GLCE: variants seen among roughly 807,000 people sequenced by gnomAD.
GLCE encodes D-glucuronyl C5-epimerase.
Under a neutral mutation model 47.9 loss-of-function variants are expected in GLCE, and 19 were observed. The ratio of observed to expected loss-of-function variants is 0.40; its 90% CI spans 0.28 to 0.58. GLCE has a LOEUF of 0.58. Ranked by LOEUF, GLCE falls within the 20% of genes least tolerant of loss-of-function variation. The probability of loss-of-function intolerance (pLI) is 0.48; values close to 1 mark genes in which losing one functional copy is unlikely to be tolerated. For synonymous variants in GLCE, 245 were observed against 263.4 expected, an observed-to-expected ratio of 0.93 and a Z score of 0.68; for missense variants, 556 against 743.3, an observed-to-expected ratio of 0.75 and a Z score of 2.93.
In GLCE at chr15:69,268,497, T is replaced by C; in HGVS notation, c.1107T>C (p.Ala369=). 1 of 1,614,184 alleles carries C rather than the reference T, an allele frequency of 6.2e-7. No homozygotes were observed. The highest frequency in any genetic ancestry group is 8.5e-7 in the Non-Finnish European group (1 of 1,180,044). The change falls in exon 5 of 5, where the codon GCT becomes GCC. Residue 369 remains alanine, a synonymous_variant. Transcript: ENST00000261858. The stretch of plus-strand genomic sequence containing the variant: ...GAGTGGGTCTTTCAAACACAAAAGC[T>C]GTCAAGCCAACCAAAATAATGCCCA... ...RKGVGLSNTK[A]VKPTKIMPKK... is the part of the protein sequence containing the mutation.
chr15:69,162,267 A>G (rs2051436018), intron 1 of GLCE, among the ~76,000 whole-genome samples: 2 of 152,130 alleles, frequency 1.3e-5, no homozygotes, highest in African/African-American at 4.8e-5. Flanking sequence ...TAACTAGCGT[A>G]GGCGTAGGTG....
At chr15:69,258,525 C>T (rs1187052353) in intron 3 of GLCE, among the ~76,000 whole-genome samples, 1 of 152,116 alleles carries the variant, frequency 6.6e-6, no homozygotes, top group Admixed American at 6.5e-5. Flanking sequence ...TGAGACCCTT[C>T]TCTTTAGTTG....
intron 2 of GLCE, among the ~76,000 whole-genome samples, chr15:69,245,539 A>C (rs979059445): frequency 6.6e-6 from 1 of 152,156 alleles, no homozygotes; most frequent in Non-Finnish European, 1.5e-5. Context: ...TAAGACAACG[A>C]TGAAGTTTGC....
At chr15:69,204,277 C>CTTTTT (rs57376738) in intron 1 of GLCE, among the ~76,000 whole-genome samples, 29 of 88,334 alleles carry the variant, frequency 3.3e-4, no homozygotes, top group East Asian at 6.5e-4. Context: ...GATTGTTTTA[C>CTTTTT]TTTTTTTTTT....
intron 2 of GLCE, among the ~76,000 whole-genome samples, chr15:69,237,101 C>T (rs529374950): frequency 1.4e-3 from 219 of 152,212 alleles, no homozygotes; most frequent in African/African-American, 4.3e-3. Flanking sequence ...TTCTTTTTAT[C>T]ATAAACATTA....
intron 4 of GLCE, among the ~76,000 whole-genome samples, chr15:69,262,762 C>G (rs929466409): frequency 6.6e-6 from 1 of 152,160 alleles, no homozygotes; most frequent in Non-Finnish European, 1.5e-5. Context: ...AACTCTGTCT[C>G]TAACAGCCAC....
At chr15:69,229,871 A>G (rs2052498313) in intron 2 of GLCE, among the ~76,000 whole-genome samples, 1 of 152,152 alleles carries the variant, frequency 6.6e-6, no homozygotes, top group Non-Finnish European at 1.5e-5. Flanking sequence ...TCATTTACAT[A>G]TTGTCTACAA....
intron 2 of GLCE, among the ~76,000 whole-genome samples, chr15:69,222,306 G>A (rs2052388411): frequency 1.3e-5 from 2 of 152,298 alleles, no homozygotes; most frequent in South Asian, 2.1e-4. Flanking sequence ...AGGCATTCTG[G>A]CAGGGGCACC....
intron 2 of GLCE, among the ~76,000 whole-genome samples, chr15:69,245,461 T>A (rs528819053): frequency 6.6e-6 from 1 of 152,220 alleles, no homozygotes; most frequent in Non-Finnish European, 1.5e-5. Flanking sequence ...TCCCTTGATG[T>A]TGATGGCTGC....
intron 2 of GLCE, among the ~76,000 whole-genome samples, chr15:69,231,712 T>C (rs2052524370): frequency 6.6e-6 from 1 of 152,216 alleles, no homozygotes; most frequent in African/African-American, 2.4e-5. Context: ...AAAGGACTTT[T>C]TGATATTTTT....
intron 1 of GLCE, among the ~76,000 whole-genome samples, chr15:69,196,023 GA>G (rs1385429586): frequency 1.3e-5 from 2 of 152,136 alleles, no homozygotes; most frequent in African/African-American, 4.8e-5. Context: ...AGGGAAAGGG[GA>G]TGGGGGAGTG....
rs2053005467 is a variant in GLCE at position 69,261,016 on chromosome 15, T to C, written c.587-71T>C. The stretch of plus-strand genomic sequence containing the variant: ...GTAAGATCCCCCAGAAGTAAATCAG[T>C]GAGGAATGGTATTAGGAATAGGCTT... On this transcript the variant is annotated intron_variant, in intron 3 of 4. Transcript: ENST00000261858. The C allele has an allele frequency of 4.3e-6, 6 of 1,391,854 alleles. No homozygotes were observed. In the Admixed American group the frequency reaches 9.5e-5, roughly 22 times the overall value. 86.2% of individuals were successfully genotyped at this position (1,391,854 alleles called of 1,614,324 possible). A position where few individuals can be genotyped will look rare whatever the true frequency, so the allele number is the denominator to read the frequency against.
chr15:69,253,124 C>T (rs972593929), intron 2 of GLCE, among the ~76,000 whole-genome samples: 8 of 152,096 alleles, frequency 5.3e-5, no homozygotes, highest in African/African-American at 1.9e-4. Flanking sequence ...CCAACTATAC[C>T]CTCTTCTCCC....
At chr15:69,190,867 CT>C (rs2051901498) in intron 1 of GLCE, among the ~76,000 whole-genome samples, 1 of 151,758 alleles carries the variant, frequency 6.6e-6, no homozygotes, top group Non-Finnish European at 1.5e-5. Flanking sequence ...TCTTGGCATT[CT>C]TTTGGATTGA....
intron 2 of GLCE, among the ~76,000 whole-genome samples, chr15:69,236,083 A>G (rs1315945484): frequency 6.6e-6 from 1 of 152,144 alleles, no homozygotes; most frequent in Non-Finnish European, 1.5e-5. Flanking sequence ...TGCTTTTGAG[A>G]TTCATCTATG....
At chr15:69,208,220 C>A (rs1305554948) in intron 1 of GLCE, among the ~76,000 whole-genome samples, 1 of 151,994 alleles carries the variant, frequency 6.6e-6, no homozygotes, top group Non-Finnish European at 1.5e-5. Context: ...TGCTTAACTT[C>A]AGGTAACAAA....
chr15:69,265,263 A>C (rs1187051542), intron 4 of GLCE, among the ~76,000 whole-genome samples: 2 of 152,164 alleles, frequency 1.3e-5, no homozygotes, highest in East Asian at 3.9e-4. Context: ...AATAAAAAAA[A>C]AACAAAACTT....
intron 1 of GLCE, among the ~76,000 whole-genome samples, chr15:69,167,558 G>T (rs1229742280): frequency 6.6e-6 from 1 of 152,198 alleles, no homozygotes; most frequent in African/African-American, 2.4e-5. Flanking sequence ...CCAACCATGG[G>T]CCAACTAATA....
chr15:69,247,097 A>G (rs2052761722), intron 2 of GLCE, among the ~76,000 whole-genome samples: 1 of 152,206 alleles, frequency 6.6e-6, no homozygotes, highest in Non-Finnish European at 1.5e-5. Context: ...TTAGCCCCTA[A>G]CGAGAGTCAG....
Sources: allele counts gnomAD v4.1 joint callset (sites outside exome capture counted in the v4.1 genomes callset), GRCh38; gene constraint gnomAD v4.1.1; transcripts MANE v1.5; gene names NCBI Gene and HGNC (gene_info 2026-07-23, HGNC 2026-07-21).